The following CAMTA1 variants were observed in gnomAD, a reference collection of about 807,000 sequenced individuals.
CAMTA1 encodes the protein calmodulin-binding transcription activator 1.
Under a neutral mutation model 170.9 loss-of-function variants are expected in CAMTA1, and 27 were observed. That is an observed-to-expected ratio of 0.16 (90% CI 0.12 to 0.22). The LOEUF is 0.22. CAMTA1 is among the 10% of genes least tolerant of loss of function. The pLI is 1.00. For missense variants in CAMTA1, 1,619 were observed against 2,217.2 expected (o/e 0.73, Z 5.42); for synonymous variants, 833 against 891.5 (o/e 0.93, Z 1.17).
At chr1:7,500,547 C>T (rs941309258) in intron 6 of CAMTA1, among the ~76,000 whole-genome samples, 1 of 152,128 alleles carries the variant, frequency 6.6e-6, no homozygotes, top group Non-Finnish European at 1.5e-5. Context: ...ACTCTGTGCA[C>T]GCTGGTCTTG....
intron 5 of CAMTA1, among the ~76,000 whole-genome samples, chr1:7,324,497 T>A (rs997460229): frequency 1.3e-5 from 2 of 152,220 alleles, no homozygotes; most frequent in African/African-American, 2.4e-5. Context: ...TATAGCACTT[T>A]CCATTTGTTG....
intron 3 of CAMTA1, among the ~76,000 whole-genome samples, chr1:7,016,357 G>A (rs912836631): frequency 6.6e-6 from 1 of 152,178 alleles, no homozygotes; most frequent in Non-Finnish European, 1.5e-5. Flanking sequence ...GGGAGGCAAG[G>A]GCAGCATGTG....
chr1:6,839,368 C>T (rs901450804), intron 3 of CAMTA1, among the ~76,000 whole-genome samples: 5 of 151,822 alleles, frequency 3.3e-5, no homozygotes, highest in Non-Finnish European at 7.4e-5. Context: ...GGCGACAGAG[C>T]GAGACTCTCT....
rs138862043 is a variant in CAMTA1 at position 7,258,855 on chromosome 1, C to T, written c.438+9229C>T. Among the ~76,000 whole-genome samples the T allele has an allele frequency of 1.6e-3, 242 of 152,222 alleles. 1 individual carries two copies. The highest frequency in any genetic ancestry group is 5.6e-3 in the African/African-American group (232 of 41,520). ...CTCCAGGCTTGTCCTCGGATAGTCG[C>T]GGCCATTCACTTTAGTTGGCGTGGA... On this transcript the variant is annotated intron_variant, in intron 5 of 22. Coordinates refer to ENST00000303635, the MANE Select transcript of CAMTA1 (RefSeq NM_015215.4).
In CAMTA1 at chr1:7,709,821, G is replaced by A. The variant is rs370297090; in HGVS notation, c.2915-22627G>A. On this transcript the variant is annotated intron_variant, in intron 11 of 22. Coordinates refer to ENST00000303635, the MANE Select transcript of CAMTA1 (RefSeq NM_015215.4). ...CCAAACCCATTAGTGGTTCAGAAAA[G>A]CATGGTCACCATCATCAGATTTTAA... Among the ~76,000 whole-genome samples the A allele has an allele frequency of 4.6e-5, 7 of 152,336 alleles. No homozygotes were observed. The South Asian group carries it at 1.4e-3, about 32-fold the overall frequency.
chr1:7,555,163 T>C (rs992475138), intron 6 of CAMTA1, among the ~76,000 whole-genome samples: 5 of 152,150 alleles, frequency 3.3e-5, no homozygotes, highest in African/African-American at 1.2e-4. Context: ...CGGATTGGCC[T>C]GTGGCTTTGG....
intron 3 of CAMTA1, among the ~76,000 whole-genome samples, chr1:6,995,290 C>CTTTTTTTTTTTTT (rs1212463100): frequency 1.2e-5 from 1 of 82,280 alleles, no homozygotes; most frequent in African/African-American, 4.8e-5. Context: ...TCTTTTTTTT[C>CTTTTTTTTTTTTT]TTTTCTTTTT....
In CAMTA1 at chr1:6,918,924, C is replaced by CCA. The variant is rs1482556246; in HGVS notation, c.234+93717_234+93718dup. Among the ~76,000 whole-genome samples, 2 of 152,120 alleles carry CCA rather than the reference C, an allele frequency of 1.3e-5. No homozygotes were observed. Among genetic ancestry groups the CCA allele is most frequent in the African/African-American group, 4.8e-5 (2 of 41,416 alleles). ...CAAGGGTGTGGCCGCTCCAAAGGCACCACAGGCCACAGAGAAAGGAGAGGC... is the reference window on the plus strand; with the variant it reads ...CAAGGGTGTGGCCGCTCCAAAGGCACCACACAGGCCACAGAGAAAGGAGAGGC... On this transcript the variant is annotated intron_variant, in intron 3 of 22. Coordinates refer to ENST00000303635, the MANE Select transcript of CAMTA1 (RefSeq NM_015215.4). The surrounding 1 kb of genome is among the most constrained non-coding windows in gnomAD (Gnocchi z 4.0).
intron 6 of CAMTA1, among the ~76,000 whole-genome samples, chr1:7,522,529 T>C (rs747644020): frequency 6.6e-6 from 1 of 152,248 alleles, no homozygotes; most frequent in African/African-American, 2.4e-5. Context: ...TTTCCATTTA[T>C]GGACCATGCT....
intron 5 of CAMTA1, among the ~76,000 whole-genome samples, chr1:7,346,730 C>T (rs1359229160): frequency 6.6e-6 from 1 of 152,320 alleles, no homozygotes; most frequent in East Asian, 1.9e-4. Context: ...CAGGAGGCGG[C>T]CCTCTCAGTG....
rs919263701 is a variant in CAMTA1, at chr1:7,528,628, T to C, written c.510+60727T>C. Among the ~76,000 whole-genome samples the C allele has an allele frequency of 3.9e-5, 6 of 152,024 alleles. No homozygotes were observed. In the South Asian group the frequency reaches 1.3e-3, roughly 32 times the overall value. On this transcript the variant is annotated intron_variant, in intron 6 of 22. Coordinates refer to ENST00000303635, the MANE Select transcript of CAMTA1 (RefSeq NM_015215.4). ...TGGGATGTGCCCTCACAGTGGCTGG[T>C]CCTGGGAAAGATGGTGGCGTGCCCT... is the stretch of plus-strand genomic sequence containing the variant.
At chr1:7,746,712 A>G (rs2096859444) in intron 18 of CAMTA1, among the ~76,000 whole-genome samples, 1 of 152,174 alleles carries the variant, frequency 6.6e-6, no homozygotes, top group African/African-American at 2.4e-5. Context: ...ATCTCTGCTC[A>G]CTGCAACCTC....
At chr1:7,417,344 C>A (rs1233269922) in intron 5 of CAMTA1, among the ~76,000 whole-genome samples, 1 of 152,258 alleles carries the variant, frequency 6.6e-6, no homozygotes, top group African/African-American at 2.4e-5. Flanking sequence ...TTACTGCTAT[C>A]TTTTTGTTTG....
chr1:7,138,876 TC>T (rs1645700064), intron 4 of CAMTA1, among the ~76,000 whole-genome samples: 1 of 151,446 alleles, frequency 6.6e-6, no homozygotes, highest in African/African-American at 2.4e-5. Flanking sequence ...GTGCCTGTAA[TC>T]CCAGCTACTC....
chr1:7,027,679 G>C (rs11120820), intron 3 of CAMTA1, among the ~76,000 whole-genome samples: 1 of 151,948 alleles, frequency 6.6e-6, no homozygotes, highest in Non-Finnish European at 1.5e-5. Context: ...AAATTGGCAC[G>C]ACCCCTCATG....
intron 3 of CAMTA1, among the ~76,000 whole-genome samples, chr1:7,033,862 G>A (rs989423942): frequency 9.2e-5 from 14 of 151,974 alleles, no homozygotes; most frequent in African/African-American, 3.1e-4. Flanking sequence ...CCAAAGTGCT[G>A]GGATTACAGG....
chr1:7,504,875 T>C (rs2094074926), intron 6 of CAMTA1, among the ~76,000 whole-genome samples: 1 of 152,240 alleles, frequency 6.6e-6, no homozygotes, highest in Non-Finnish European at 1.5e-5. Flanking sequence ...ACCACCTCAC[T>C]GGGCAGAATC....
chr1:7,563,642 C>T (rs1436294807), intron 6 of CAMTA1, among the ~76,000 whole-genome samples: 3 of 152,226 alleles, frequency 2.0e-5, no homozygotes, highest in Non-Finnish European at 2.9e-5. Flanking sequence ...CGTTTGCTCA[C>T]GGCCTTGTGA....
chr1:7,480,416 T>A (rs2796481), intron 6 of CAMTA1, among the ~76,000 whole-genome samples: 80,915 of 148,402 alleles, frequency 0.55, 22,489 homozygotes, highest in African/African-American at 0.67. Flanking sequence ...TGTGTGTGTG[T>A]GAGAGAGAGA....
Sources: gnomAD v4.1 joint callset for allele counts (sites outside exome capture counted in the v4.1 genomes callset) on GRCh38, gnomAD v4.1.1 for gene constraint, Gnocchi (gnomAD v3.1) non-coding constraint, MANE v1.5 for transcripts, NCBI Gene and HGNC (gene_info 2026-07-23, HGNC 2026-07-21) for gene names.